The following CHST9 variants were observed in gnomAD, a reference collection of about 807,000 sequenced individuals.
CHST9 encodes the protein GalNAc-4-sulfotransferase 2.
CHST9 carries 41 observed loss-of-function variants against 44.4 expected under a neutral mutation model. That is an observed-to-expected ratio of 0.92 (90% CI 0.72 to 1.20). The LOEUF is 1.20. Ranked by LOEUF, CHST9 falls within the 50% of genes most tolerant of loss-of-function variation. CHST9 has a pLI of 0.00. For missense variants in CHST9, 504 were observed against 516.5 expected (o/e 0.98, Z 0.23); for synonymous variants, 171 against 178.4 (o/e 0.96, Z 0.33).
rs951898103 is a variant in CHST9 at position 26,915,444 on chromosome 18, T to C, written c.*815A>G. ...GATGATTATTCCATCCTGAAACAATTTCCCCCCTGCTCAATTAAACCAGAA... is the reference window on the plus strand; with the variant it reads ...GATGATTATTCCATCCTGAAACAATCTCCCCCCTGCTCAATTAAACCAGAA... On this transcript the variant is annotated 3_prime_UTR_variant, in exon 6 of 6. Transcript: ENST00000618847. The C allele has an allele frequency of 3.3e-5, 5 of 152,562 alleles. No homozygotes were observed. Among genetic ancestry groups the C allele is most frequent in the African/African-American group, 9.6e-5 (4 of 41,464 alleles). The allele number at this position is 152,562 out of a possible 1,614,324, so 9.5% of individuals were successfully genotyped here.
intron 2 of CHST9, among the ~76,000 whole-genome samples, chr18:27,094,925 G>A (rs1355861374): frequency 6.6e-6 from 1 of 152,070 alleles, no homozygotes; most frequent in Non-Finnish European, 1.5e-5. Flanking sequence ...CTCTAATTAT[G>A]GTTAAGTGAT....
At chr18:26,927,214 C>G (rs1415058149) in intron 5 of CHST9, among the ~76,000 whole-genome samples, 34 of 152,060 alleles carry the variant, frequency 2.2e-4, no homozygotes, top group Admixed American at 2.2e-3. Flanking sequence ...TTCAAAATGT[C>G]AAGTTTTCTT....
chr18:26,961,544 T>A (rs540541194), intron 4 of CHST9, among the ~76,000 whole-genome samples: 1 of 151,992 alleles, frequency 6.6e-6, no homozygotes, highest in East Asian at 1.9e-4. Context: ...ATCCCTCCAA[T>A]TCAGCCTCCA....
chr18:27,023,637 A>C (rs1348521878), intron 4 of CHST9, among the ~76,000 whole-genome samples: 1 of 152,236 alleles, frequency 6.6e-6, no homozygotes, highest in Non-Finnish European at 1.5e-5. Flanking sequence ...CATTCCTTGC[A>C]GAAAATTCAA....
intron 5 of CHST9, among the ~76,000 whole-genome samples, chr18:26,924,338 T>G (rs2055722065): frequency 6.6e-6 from 1 of 151,800 alleles, no homozygotes; most frequent in African/African-American, 2.4e-5. Context: ...GAAGTAGCAG[T>G]TTTTATGGGG....
intron 1 of CHST9, among the ~76,000 whole-genome samples, chr18:27,184,522 A>AC (rs2058939864): frequency 6.6e-6 from 1 of 151,278 alleles, no homozygotes; most frequent in South Asian, 2.1e-4. Context: ...GCCCCTCCCA[A>AC]CCCCTCTGCT....
rs2055421154 is a variant in CHST9 at position 26,910,144 on chromosome 18, G to C, written c.*6115C>G. Reference sequence around the variant, plus strand: ...GGTGGGAAGGAATGTCGTTGCCAGGGGACCCAGTGGCTACGACAGAAAGAT... The same window carrying C: ...GGTGGGAAGGAATGTCGTTGCCAGGCGACCCAGTGGCTACGACAGAAAGAT... On this transcript the variant is annotated 3_prime_UTR_variant, in exon 6 of 6. Coordinates refer to ENST00000618847, the MANE Select transcript of CHST9 (RefSeq NM_031422.6). 1 of 152,106 alleles carries C rather than the reference G, an allele frequency of 6.6e-6. No homozygotes were observed. The highest frequency in any genetic ancestry group is 6.6e-5 in the Admixed American group (1 of 15,266). The allele number at this position is 152,106 out of a possible 1,614,324, so 9.4% of individuals were successfully genotyped here.
At chr18:27,047,836 C>T (rs191035548) in intron 3 of CHST9, among the ~76,000 whole-genome samples, 58 of 152,158 alleles carry the variant, frequency 3.8e-4, no homozygotes, top group Admixed American at 3.5e-3. Flanking sequence ...ATGCAAAGAT[C>T]GACTTGGTAA....
At chr18:27,139,240 A>T (rs1173801910) in intron 2 of CHST9, among the ~76,000 whole-genome samples, 4 of 152,138 alleles carry the variant, frequency 2.6e-5, no homozygotes, top group African/African-American at 9.7e-5. Context: ...AAGAATTCTC[A>T]TATATAACTG....
intron 3 of CHST9, among the ~76,000 whole-genome samples, chr18:27,036,672 A>G (rs1158665518): frequency 6.6e-6 from 1 of 152,216 alleles, no homozygotes; most frequent in African/African-American, 2.4e-5. Context: ...GGGACCAAGG[A>G]CTGGGCCACG....
At chr18:27,148,657 A>G (rs545148279) in intron 1 of CHST9, among the ~76,000 whole-genome samples, 1 of 150,290 alleles carries the variant, frequency 6.7e-6, no homozygotes, top group Admixed American at 6.6e-5. Context: ...CAGTCTATCA[A>G]TGTTGGACAT....
chr18:27,132,815 G>A (rs1044015131), intron 2 of CHST9, among the ~76,000 whole-genome samples: 2 of 152,148 alleles, frequency 1.3e-5, no homozygotes, highest in Admixed American at 6.5e-5. Context: ...GGGAGTAAAT[G>A]GATCAAGGGA....
chr18:27,062,678 T>C (rs62082860), intron 2 of CHST9, among the ~76,000 whole-genome samples: 18,361 of 152,212 alleles, frequency 0.12, 1,246 homozygotes, highest in Middle Eastern at 0.24. Flanking sequence ...ATATACCCAG[T>C]AATGGGATGG....
At chr18:27,043,429 C>T (rs1233578447) in intron 3 of CHST9, among the ~76,000 whole-genome samples, 1 of 151,968 alleles carries the variant, frequency 6.6e-6, no homozygotes, top group Non-Finnish European at 1.5e-5. Flanking sequence ...ATTATTTTCT[C>T]CACCAAACTT....
chr18:26,927,380 A>G (rs1299529064), intron 5 of CHST9, among the ~76,000 whole-genome samples: 2 of 151,996 alleles, frequency 1.3e-5, no homozygotes, highest in Non-Finnish European at 2.9e-5. Flanking sequence ...AGTATAGAGA[A>G]AGAAAAGTGG....
Position 26,913,512 on chromosome 18 carries a change from T to C in CHST9, c.*2747A>G, listed in dbSNP as rs193241188. On this transcript the variant is annotated 3_prime_UTR_variant, in exon 6 of 6. Coordinates refer to ENST00000618847, the MANE Select transcript of CHST9 (RefSeq NM_031422.6). ...TGTGGTTTTGGATTTAATTGCCAAC[T>C]TGTTACCCTGATAGTAATTCCAGAC... The C allele has an allele frequency of 6.6e-6, 1 of 152,346 alleles. No individual in the cohort carries two copies. The highest frequency in any genetic ancestry group is 1.5e-5 in the Non-Finnish European group (1 of 68,026). The allele number at this position is 152,346 out of a possible 1,614,324, so 9.4% of individuals were successfully genotyped here.
intron 4 of CHST9, among the ~76,000 whole-genome samples, chr18:26,946,868 T>C (rs2056171270): frequency 6.6e-6 from 1 of 152,036 alleles, no homozygotes; most frequent in Non-Finnish European, 1.5e-5. Context: ...TTCTGTTCTG[T>C]TGGTCTATAT....
At chr18:27,020,499 G>A (rs1382346955) in intron 4 of CHST9, among the ~76,000 whole-genome samples, 3 of 152,206 alleles carry the variant, frequency 2.0e-5, no homozygotes, top group Non-Finnish European at 4.4e-5. Context: ...TCTTTTCACA[G>A]GTGCCTGGAA....
chr18:27,040,612 G>C (rs2057434415), intron 3 of CHST9, among the ~76,000 whole-genome samples: 1 of 152,074 alleles, frequency 6.6e-6, no homozygotes, highest in African/African-American at 2.4e-5. Context: ...GAGTTTCATG[G>C]CTTCTCTGTT....
Sources: allele counts gnomAD v4.1 joint callset (sites outside exome capture counted in the v4.1 genomes callset), GRCh38; gene constraint gnomAD v4.1.1; transcripts MANE v1.5; gene names NCBI Gene and HGNC (gene_info 2026-07-23, HGNC 2026-07-21).